Variants in DIAPH2 observed in about 807,000 individuals in gnomAD.
DIAPH2 encodes protein diaphanous homolog 2.
DIAPH2 carries 35 observed loss-of-function variants against 92.7 expected under a neutral mutation model. The ratio of observed to expected loss-of-function variants is 0.38; its 90% CI spans 0.29 to 0.50. DIAPH2 has a LOEUF of 0.50. Among genes scored for constraint, DIAPH2 ranks in the 20% least tolerant of loss-of-function variants. DIAPH2 has a pLI of 0.94. For missense variants in DIAPH2, 701 were observed against 819.5 expected, an observed-to-expected ratio of 0.86 and a Z score of 1.77; for synonymous variants, 301 against 280.4, an observed-to-expected ratio of 1.07 and a Z score of -0.73.
intron 22 of DIAPH2, among the ~76,000 whole-genome samples, chrX:97,145,755 A>C (rs898257252): frequency 4.5e-5 from 5 of 110,700 alleles, no homozygotes; most frequent in Admixed American, 3.9e-4. Context: ...CAGACTGAGA[A>C]TTCTCAACTC....
intron 17 of DIAPH2, among the ~76,000 whole-genome samples, chrX:97,050,291 C>T (rs1195418544): frequency 9.1e-6 from 1 of 110,437 alleles, no homozygotes; most frequent in Non-Finnish European, 1.9e-5. Flanking sequence ...ATTTTCTTGA[C>T]ATATTTGAAC....
chrX:97,553,667 T>TA (rs370885893), intron 26 of DIAPH2, among the ~76,000 whole-genome samples: 11,637 of 86,750 alleles, frequency 0.13, 783 homozygotes, highest in East Asian at 0.28. Flanking sequence ...GTGAGTAGGT[T>TA]AAAAAAAAAA....
chrX:97,598,515 CAG>C (rs372960796), intron 26 of DIAPH2, among the ~76,000 whole-genome samples: 107 of 112,065 alleles, frequency 9.5e-4, no homozygotes, highest in Middle Eastern at 4.6e-3. Context: ...GAGCATAAAA[CAG>C]AGGTGATAAT....
At chrX:96,756,353 A>C (rs1402928000) in intron 3 of DIAPH2, among the ~76,000 whole-genome samples, 1 of 111,596 alleles carries the variant, frequency 9.0e-6, no homozygotes, top group African/African-American at 3.3e-5. Context: ...CCTATTTGGG[A>C]CATTTAATAT....
chrX:97,141,114 A>G lies in DIAPH2; in HGVS notation c.2590-551A>G, dbSNP rs12846693. On this transcript the variant is annotated intron_variant, in intron 21 of 26. Transcript: ENST00000324765. ...AATATGTAAGCAAATAAAATTTTTCATATTATCAGGATTGTATGGTGAGAT... is the reference window on the plus strand; with the variant it reads ...AATATGTAAGCAAATAAAATTTTTCGTATTATCAGGATTGTATGGTGAGAT... Among the ~76,000 whole-genome samples the G allele has an allele frequency of 5.5e-3, 560 of 101,488 alleles. 6 individuals are homozygous for G. Among genetic ancestry groups the G allele is most frequent in the Non-Finnish European group, 6.5e-3 (314 of 48,129 alleles). 88.1% of individuals were successfully genotyped at this position (101,488 alleles called of 115,157 possible). A position where few individuals can be genotyped will look rare whatever the true frequency, so the allele number is the denominator to read the frequency against.
intron 17 of DIAPH2, among the ~76,000 whole-genome samples, chrX:97,032,699 T>G (rs2147879768): frequency 9.0e-6 from 1 of 111,627 alleles, no homozygotes; most frequent in East Asian, 2.8e-4. Flanking sequence ...GTAAAGGAAG[T>G]ATTTCAAAGA....
At chrX:97,361,965 G>A (rs776655198) in intron 24 of DIAPH2, among the ~76,000 whole-genome samples, 12 of 112,104 alleles carry the variant, frequency 1.1e-4, no homozygotes, top group African/African-American at 1.6e-4. Context: ...CATTGGCAGC[G>A]CGCGGTGGCT....
chrX:96,971,566 A>G (rs1272216708), intron 17 of DIAPH2, among the ~76,000 whole-genome samples: 2 of 111,352 alleles, frequency 1.8e-5, no homozygotes, highest in East Asian at 5.7e-4. Context: ...AATTGAAGCA[A>G]TTCTTACTGC....
chrX:96,926,177 A>T (rs1398219464), intron 9 of DIAPH2, among the ~76,000 whole-genome samples: 1 of 111,549 alleles, frequency 9.0e-6, no homozygotes, highest in Non-Finnish European at 1.9e-5. Flanking sequence ...TTAAATAGAT[A>T]GATGTTTGTA....
chrX:96,980,280 A>G (rs992446748), intron 17 of DIAPH2, among the ~76,000 whole-genome samples: 31 of 111,036 alleles, frequency 2.8e-4, no homozygotes, highest in South Asian at 1.2e-3. Flanking sequence ...GCCGGAAGGA[A>G]AGCTGGGAAA....
chrX:97,015,786 T>TA (rs2066255965), intron 17 of DIAPH2, among the ~76,000 whole-genome samples: 2 of 72,066 alleles, frequency 2.8e-5, no homozygotes, highest in African/African-American at 5.9e-5. Context: ...AGACGCCATC[T>TA]GAAAAAAAAA....
chrX:97,327,094 C>A (rs1206267909), intron 23 of DIAPH2, among the ~76,000 whole-genome samples: 1 of 111,897 alleles, frequency 8.9e-6, no homozygotes, highest in Non-Finnish European at 1.9e-5. Flanking sequence ...TAGGAAATTT[C>A]TTTCTTTCTT....
At chrX:96,988,914 T>C (rs1044682013) in intron 17 of DIAPH2, among the ~76,000 whole-genome samples, 3 of 111,341 alleles carry the variant, frequency 2.7e-5, no homozygotes, top group African/African-American at 9.8e-5. Flanking sequence ...AGAGAGAATT[T>C]TATTCTCATT....
intron 4 of DIAPH2, among the ~76,000 whole-genome samples, chrX:96,781,830 G>T (rs1350955902): frequency 9.0e-6 from 1 of 110,766 alleles, no homozygotes; most frequent in Non-Finnish European, 1.9e-5. Flanking sequence ...TATGCAAGGA[G>T]AATAACTTAA....
intron 4 of DIAPH2, among the ~76,000 whole-genome samples, chrX:96,837,331 G>T (rs1044112195): frequency 9.3e-6 from 1 of 108,086 alleles, no homozygotes; most frequent in African/African-American, 3.4e-5. Context: ...ATATAAACTC[G>T]CTGATAAGTG....
intron 17 of DIAPH2, among the ~76,000 whole-genome samples, chrX:97,065,671 TA>T (rs780888502): frequency 4.2e-3 from 432 of 103,091 alleles, no homozygotes; most frequent in Admixed American, 6.0e-3. Flanking sequence ...GTACTCTTGT[TA>T]AAAAAAAAAA....
intron 4 of DIAPH2, among the ~76,000 whole-genome samples, chrX:96,809,458 T>A (rs1312187878): frequency 9.0e-6 from 1 of 110,698 alleles, no homozygotes; most frequent in African/African-American, 3.3e-5. Flanking sequence ...CATTTACATC[T>A]TGCATGACTG....
intron 26 of DIAPH2, among the ~76,000 whole-genome samples, chrX:97,552,336 T>G (rs914393127): frequency 8.9e-6 from 1 of 111,741 alleles, no homozygotes; most frequent in African/African-American, 3.2e-5. Context: ...GAAGTCAACA[T>G]AGGAAAAAAC....
At chrX:97,590,935 G>A (rs2071513234) in intron 26 of DIAPH2, among the ~76,000 whole-genome samples, 1 of 111,883 alleles carries the variant, frequency 8.9e-6, no homozygotes, top group African/African-American at 3.3e-5. Flanking sequence ...TATTGAAACA[G>A]CTGTCACTGT....
Sources: gnomAD v4.1 joint callset for allele counts (sites outside exome capture counted in the v4.1 genomes callset) on GRCh38, gnomAD v4.1.1 for gene constraint, MANE v1.5 for transcripts, NCBI Gene and HGNC (gene_info 2026-07-23, HGNC 2026-07-21) for gene names.